The following RRBP1 variants were observed in gnomAD, a reference collection of about 807,000 sequenced individuals.
RRBP1 encodes the protein ribosome binding protein 1, also known as ribosome-binding protein 1.
In RRBP1, 94 loss-of-function variants were observed where a neutral mutation model predicts 165.2. The observed-to-expected ratio is 0.57, with a 90% CI of 0.48 to 0.68. The LOEUF (loss-of-function observed/expected upper bound fraction) is 0.68. Ranked by LOEUF, RRBP1 falls within the 30% of genes least tolerant of loss-of-function variation. The pLI, the probability that RRBP1 is intolerant of heterozygous loss-of-function variation, is 0.00. For synonymous variants in RRBP1, 680 were observed against 714.5 expected (o/e 0.95, Z 0.77); for missense variants, 1,676 against 1,763.0 (o/e 0.95, Z 0.88).
rs762787663 is a variant in RRBP1, at chr20:17,624,675, G to A, written c.3055-7C>T. On this transcript the variant is annotated splice_region_variant and splice_polypyrimidine_tract_variant and intron_variant, in intron 12 of 24. Transcript: ENST00000377813. ...AGTTCTTCTCCCGGAGGTCCTGGAGGGGACACAGGTGAAAGGTCAGCAGCC... is the reference window on the plus strand; with the variant it reads ...AGTTCTTCTCCCGGAGGTCCTGGAGAGGACACAGGTGAAAGGTCAGCAGCC... 1.3e-6 allele frequency: 2 copies of A among 1,566,936 alleles called. No individual in the cohort carries two copies. Among genetic ancestry groups the A allele is most frequent in the East Asian group, 4.6e-5 (2 of 43,410 alleles).
At chr20:17,667,173 A>C (rs1487708678) in intron 2 of RRBP1, among the ~76,000 whole-genome samples, 1 of 152,188 alleles carries the variant, frequency 6.6e-6, no homozygotes, top group African/African-American at 2.4e-5. Context: ...GTTTGTGTAC[A>C]GGTAGGGTTT....
At chr20:17,617,177 A>G (rs535764929) in intron 20 of RRBP1, among the ~76,000 whole-genome samples, 1 of 152,312 alleles carries the variant, frequency 6.6e-6, no homozygotes, top group East Asian at 1.9e-4. Context: ...CACACTGTCT[A>G]CACCCCCCGT....
chr20:17,620,820 C>T lies in RRBP1; in HGVS notation c.3415-13G>A, dbSNP rs775470542. On this transcript the variant is annotated splice_polypyrimidine_tract_variant and intron_variant, in intron 16 of 24. Coordinates refer to ENST00000377813, the MANE Select transcript of RRBP1 (RefSeq NM_001365613.2). Reference sequence around the variant, plus strand: ...TGAGCATGCCCTCCTGGGGGGAAACCGAGGTGAGGCAGGGCCCTCTCCCTC... The same window carrying T: ...TGAGCATGCCCTCCTGGGGGGAAACTGAGGTGAGGCAGGGCCCTCTCCCTC... 46 of 1,591,260 alleles carry T rather than the reference C, an allele frequency of 2.9e-5. No homozygotes were observed. Among genetic ancestry groups the T allele is most frequent in the African/African-American group, 5.4e-5 (4 of 74,642 alleles).
intron 2 of RRBP1, among the ~76,000 whole-genome samples, chr20:17,665,798 C>T (rs1450642674): frequency 6.6e-6 from 1 of 152,146 alleles, no homozygotes; most frequent in African/African-American, 2.4e-5. Context: ...AGTCATTTTA[C>T]TGTTTATAAG....
At chr20:17,626,157 A>G (rs923499048) in intron 11 of RRBP1, among the ~76,000 whole-genome samples, 2 of 152,224 alleles carry the variant, frequency 1.3e-5, no homozygotes, top group African/African-American at 2.4e-5. Flanking sequence ...ACTGTTTGAG[A>G]AGGAAATAAA....
At position 17,624,559 on chromosome 20, in the gene RRBP1, T is replaced by C; in HGVS notation, c.3147+17A>G. The C allele has an allele frequency of 6.4e-7, 1 of 1,555,456 alleles. No individual in the cohort carries two copies. Among genetic ancestry groups the C allele is most frequent in the East Asian group, 2.3e-5 (1 of 43,636 alleles). On this transcript the variant is annotated intron_variant, in intron 13 of 24. Transcript: ENST00000377813. ...GCACTTTCCATGGTGGGGGTGTGAG[T>C]GTGGTCGGGCTCTGACCTTGGCCTG...
At chr20:17,621,996 G>A in intron 13 of RRBP1, 49 bp from the exon 14 acceptor site, 2 of 1,390,668 alleles carry the variant, frequency 1.4e-6, no homozygotes, top group East Asian at 4.6e-5. Context: ...GTGGAGGTGT[G>A]GGGCACCTCC....
intron 3 of RRBP1, among the ~76,000 whole-genome samples, chr20:17,655,265 G>C (rs998613178): frequency 6.6e-6 from 1 of 152,202 alleles, no homozygotes; most frequent in African/African-American, 2.4e-5. Context: ...CTGGGCTCAA[G>C]TGATCTTCCC....
At chr20:17,672,887 C>T (rs1265083685) in intron 2 of RRBP1, among the ~76,000 whole-genome samples, 3 of 152,132 alleles carry the variant, frequency 2.0e-5, no homozygotes, top group African/African-American at 4.8e-5. Context: ...GAGCATATGC[C>T]GTTTGAGTCC....
intron 21 of RRBP1, among the ~76,000 whole-genome samples, chr20:17,616,489 C>G (rs911345): frequency 5.3e-5 from 8 of 152,002 alleles, no homozygotes; most frequent in Non-Finnish European, 8.8e-5. Flanking sequence ...CCCCAAATCA[C>G]GGACTCCCTC....
chr20:17,625,646 A>G, intron 11 of RRBP1, 44 bp from the exon 12 acceptor site: 5 of 1,476,854 alleles, frequency 3.4e-6, no homozygotes, highest in Non-Finnish European at 4.7e-6. Context: ...CCAAGGGGCT[A>G]CAGCCCCTAC....
intron 6 of RRBP1, 59 bp downstream of exon 6, chr20:17,636,518 G>T: frequency 1.9e-6 from 3 of 1,583,190 alleles, no homozygotes; most frequent in East Asian, 2.2e-5. Flanking sequence ...GGCTCCCTCC[G>T]TCCTGGACCT....
intron 2 of RRBP1, among the ~76,000 whole-genome samples, chr20:17,665,080 A>G (rs1676592760): frequency 6.6e-6 from 1 of 151,984 alleles, no homozygotes; most frequent in Non-Finnish European, 1.5e-5. Context: ...ATTTATATAT[A>G]TATGTATGTG....
chr20:17,627,108 C>G (rs957338786), intron 11 of RRBP1, among the ~76,000 whole-genome samples: 3 of 152,242 alleles, frequency 2.0e-5, no homozygotes, highest in Non-Finnish European at 4.4e-5. Flanking sequence ...GGTGCTCCCA[C>G]CCTGGCTGAG....
chr20:17,674,652 C>CA (rs1388198414), intron 2 of RRBP1, among the ~76,000 whole-genome samples: 6 of 151,708 alleles, frequency 4.0e-5, no homozygotes, highest in African/African-American at 1.5e-4. Context: ...TGTAGTCCAG[C>CA]AGGAGGGTGA....
chr20:17,665,938 C>T (rs757102398), intron 2 of RRBP1, among the ~76,000 whole-genome samples: 30 of 152,152 alleles, frequency 2.0e-4, no homozygotes, highest in Admixed American at 6.5e-4. Flanking sequence ...AGCACCATTT[C>T]CTGACTGGTC....
chr20:17,615,425 GC>G lies in RRBP1; in HGVS notation c.4050+5del. Reference sequence around the variant, plus strand: ...AGGTGTGACCCCCGCCCCAGCCCCTGCCTGCCTTCAGCTGTGAGGCCTCCTC... The same window carrying G: ...AGGTGTGACCCCCGCCCCAGCCCCTGCTGCCTTCAGCTGTGAGGCCTCCTC... On this transcript the variant is annotated splice_donor_5th_base_variant and intron_variant, in intron 23 of 24. Coordinates refer to ENST00000377813, the MANE Select transcript of RRBP1 (RefSeq NM_001365613.2). The G allele has an allele frequency of 6.2e-7, 1 of 1,605,080 alleles. No individual in the cohort carries two copies. Among genetic ancestry groups the G allele is most frequent in the Non-Finnish European group, 8.5e-7 (1 of 1,175,530 alleles).
intron 2 of RRBP1, among the ~76,000 whole-genome samples, chr20:17,670,517 C>T (rs779298666): frequency 6.6e-6 from 1 of 150,624 alleles, no homozygotes; most frequent in Non-Finnish European, 1.5e-5. Context: ...CAAATTAATT[C>T]TATTATCCCT....
intron 5 of RRBP1, among the ~76,000 whole-genome samples, chr20:17,638,068 G>A (rs2036280682): frequency 1.3e-5 from 2 of 152,174 alleles, no homozygotes; most frequent in Admixed American, 1.3e-4. Context: ...GGAGGAATGA[G>A]GACGCCTGCC....
Sources: gnomAD v4.1 joint callset for allele counts (sites outside exome capture counted in the v4.1 genomes callset) on GRCh38, gnomAD v4.1.1 for gene constraint, MANE v1.5 for transcripts, NCBI Gene and HGNC (gene_info 2026-07-23, HGNC 2026-07-21) for gene names.